The following GRM8 variants were observed in gnomAD, a reference collection of about 807,000 sequenced individuals.
GRM8 encodes the protein metabotropic glutamate receptor 8.
GRM8 carries 47 observed loss-of-function variants against 87.2 expected under a neutral mutation model. The observed-to-expected ratio is 0.54, with a 90% CI of 0.43 to 0.69. The LOEUF is 0.69. Ranked by LOEUF, GRM8 falls within the 30% of genes least tolerant of loss-of-function variation. The probability of loss-of-function intolerance (pLI) is 0.00; values close to 1 mark genes in which losing one functional copy is unlikely to be tolerated. For synonymous variants in GRM8, 396 were observed against 404.5 expected (o/e 0.98, Z 0.25); for missense variants, 1,019 against 1,139.2 (o/e 0.89, Z 1.52).
chr7:126,796,772 C>T (rs1821995850), intron 6 of GRM8, among the ~76,000 whole-genome samples: 1 of 152,040 alleles, frequency 6.6e-6, no homozygotes, highest in Non-Finnish European at 1.5e-5. Flanking sequence ...GAAGAGCCCT[C>T]CTCTCATGGA....
At chr7:126,483,758 TCCCTCCCTC>T (rs1807023036) in intron 9 of GRM8, among the ~76,000 whole-genome samples, 6 of 51,674 alleles carry the variant, frequency 1.2e-4, no homozygotes, top group African/African-American at 4.4e-4. Context: ...CCTCCCTCCC[TCCCTCCCTC>T]CCTCCCTTCC....
rs376966744 is a variant in GRM8, at chr7:126,556,634, AAGAC to A, written c.1495-22751_1495-22748del. 2.8e-4 allele frequency among the ~76,000 whole-genome samples: 43 copies of A among 152,286 alleles called. 2 individuals are homozygous for A. The East Asian group carries it at 6.4e-3, about 23-fold the overall frequency. ...TGCACTTCAGCCTGGGTGACAGAGC[AAGAC>A]TCCGTCTTGAAAAAAAGAAAAAAAT... On this transcript the variant is annotated intron_variant, in intron 8 of 10. Coordinates refer to ENST00000339582, the MANE Select transcript of GRM8 (RefSeq NM_000845.3).
chr7:127,010,989 G>C (rs1474373198), intron 3 of GRM8, among the ~76,000 whole-genome samples: 3 of 152,074 alleles, frequency 2.0e-5, no homozygotes, highest in Non-Finnish European at 4.4e-5. Context: ...TGAACTCAAA[G>C]AGATTACCAT....
chr7:126,779,295 T>C (rs1819812256), intron 6 of GRM8, among the ~76,000 whole-genome samples: 1 of 152,126 alleles, frequency 6.6e-6, no homozygotes, highest in South Asian at 2.1e-4. Context: ...AAATAATTTA[T>C]ATAACATTAT....
At chr7:127,067,617 ATC>A (rs1821261530) in intron 3 of GRM8, among the ~76,000 whole-genome samples, 1 of 152,168 alleles carries the variant, frequency 6.6e-6, no homozygotes, top group South Asian at 2.1e-4. Flanking sequence ...TATTTCCATA[ATC>A]TGCTCTTGAG....
chr7:127,191,439 G>A (rs1004448034), intron 2 of GRM8, among the ~76,000 whole-genome samples: 26 of 152,226 alleles, frequency 1.7e-4, no homozygotes, highest in African/African-American at 6.0e-4. Flanking sequence ...TATAAAAGGG[G>A]TCAGTGTTCA....
At chr7:126,546,944 C>T (rs182718739) in intron 8 of GRM8, among the ~76,000 whole-genome samples, 16 of 152,226 alleles carry the variant, frequency 1.1e-4, no homozygotes, top group Admixed American at 5.9e-4. Flanking sequence ...GGGATACCAT[C>T]GTGAAATTAG....
At chr7:126,538,381 G>T (rs1816097580) in intron 8 of GRM8, among the ~76,000 whole-genome samples, 1 of 152,078 alleles carries the variant, frequency 6.6e-6, no homozygotes, top group South Asian at 2.1e-4. Flanking sequence ...TTACAAGAAT[G>T]ATTACAAGAA....
chr7:127,178,484 C>G (rs1794243491), intron 2 of GRM8, among the ~76,000 whole-genome samples: 2 of 152,144 alleles, frequency 1.3e-5, no homozygotes, highest in African/African-American at 4.8e-5. Context: ...CACATCCACA[C>G]ACAAGAAGTA....
intron 8 of GRM8, among the ~76,000 whole-genome samples, chr7:126,563,870 T>C (rs1793957575): frequency 1.3e-5 from 2 of 152,232 alleles, no homozygotes; most frequent in Admixed American, 1.3e-4. Flanking sequence ...ATTTCTCACA[T>C]GTGTGAAAGT....
chr7:126,755,168 G>A (rs1282702979), intron 7 of GRM8, among the ~76,000 whole-genome samples: 1 of 151,990 alleles, frequency 6.6e-6, no homozygotes, highest in East Asian at 1.9e-4. Flanking sequence ...GATAGTTTGT[G>A]CCTATGCACA....
At chr7:126,468,938 A>G (rs567821521) in intron 9 of GRM8, among the ~76,000 whole-genome samples, 178 of 152,280 alleles carry the variant, frequency 1.2e-3, no homozygotes, top group Non-Finnish European at 1.2e-3. Flanking sequence ...TTTATTTGAT[A>G]AAATAGTTCT....
At chr7:127,098,775 AG>A (rs1175910627) in intron 3 of GRM8, among the ~76,000 whole-genome samples, 1 of 152,204 alleles carries the variant, frequency 6.6e-6, no homozygotes, top group Non-Finnish European at 1.5e-5. Flanking sequence ...TTGCAAATTT[AG>A]GGGGAGAAAG....
intron 7 of GRM8, among the ~76,000 whole-genome samples, chr7:126,682,558 A>G (rs1807710407): frequency 6.6e-6 from 1 of 152,336 alleles, no homozygotes; most frequent in South Asian, 2.1e-4. Flanking sequence ...TCACTAAGAC[A>G]GGGGTCAGCA....
At chr7:126,680,040 G>GA (rs11435028) in intron 7 of GRM8, among the ~76,000 whole-genome samples, 125,610 of 146,326 alleles carry the variant, frequency 0.86, 54,266 homozygotes, top group East Asian at 1. Flanking sequence ...CTCCATCTCA[G>GA]AAAAAAAAAA....
At chr7:127,011,278 G>C (rs1482562931) in intron 3 of GRM8, among the ~76,000 whole-genome samples, 1 of 152,068 alleles carries the variant, frequency 6.6e-6, no homozygotes, top group Admixed American at 6.6e-5. Flanking sequence ...AGAAAAAGTA[G>C]TCAACATTCA....
rs1474619781 is a variant in GRM8, at chr7:127,015,050, AAG to A, written c.727+91444_727+91445del. On this transcript the variant is annotated intron_variant, in intron 3 of 10. Transcript: ENST00000339582. The stretch of plus-strand genomic sequence containing the variant: ...GAAGAAGAAGAAGAAGAAGAAGAAG[AAG>A]AAGAAGAAGAAGAAGAAAGAAAGAA... 4.9e-3 allele frequency among the ~76,000 whole-genome samples: 625 copies of A among 127,390 alleles called. 7 individuals are homozygous for A. The highest frequency in any genetic ancestry group is 8.1e-3 in the Middle Eastern group (2 of 248). The allele number at this position is 127,390 out of a possible 152,430, so 83.6% of individuals were successfully genotyped here.
At chr7:127,040,605 A>G (rs1355435486) in intron 3 of GRM8, among the ~76,000 whole-genome samples, 1 of 992 alleles carries the variant, frequency 1.0e-3, no homozygotes, top group Non-Finnish European at 2.3e-3. Flanking sequence ...ATTCCTTGTG[A>G]AAAAAAAAAA....
At chr7:126,534,629 C>T (rs1345653960) in intron 8 of GRM8, among the ~76,000 whole-genome samples, 2 of 152,092 alleles carry the variant, frequency 1.3e-5, no homozygotes, top group Non-Finnish European at 2.9e-5. Flanking sequence ...GCTTCAGGGC[C>T]TTAAAATCCA....
Sources: allele counts gnomAD v4.1 joint callset (sites outside exome capture counted in the v4.1 genomes callset), GRCh38; gene constraint gnomAD v4.1.1; transcripts MANE v1.5; gene names NCBI Gene and HGNC (gene_info 2026-07-23, HGNC 2026-07-21).